The following ATP2B2 variants were observed in gnomAD, a reference collection of about 807,000 sequenced individuals.
ATP2B2 encodes ATPase plasma membrane Ca2+ transporting 2.
A neutral mutation model predicts 120.0 loss-of-function variants in ATP2B2; 15 were observed. That is an observed-to-expected ratio of 0.12 (90% CI 0.08 to 0.19). The LOEUF is 0.19. Among genes scored for constraint, ATP2B2 ranks in the 10% least tolerant of loss-of-function variants. The probability of loss-of-function intolerance (pLI) is 1.00; values close to 1 mark genes in which losing one functional copy is unlikely to be tolerated. For missense variants in ATP2B2, 1,045 were observed against 1,719.8 expected (o/e 0.61, Z 6.94); for synonymous variants, 694 against 700.3 (o/e 0.99, Z 0.14).
chr3:10,606,948 GA>G (rs1559483290), intron 2 of ATP2B2, among the ~76,000 whole-genome samples: 1,420 of 119,034 alleles, frequency 0.012, 64 homozygotes, highest in African/African-American at 0.042. Context: ...GGGAGAGGGA[GA>G]GGGGGAGGGG....
At chr3:10,395,914 C>A (rs561731008) in intron 5 of ATP2B2, among the ~76,000 whole-genome samples, 235 of 152,316 alleles carry the variant, frequency 1.5e-3, no homozygotes, top group Non-Finnish European at 2.6e-3. Flanking sequence ...TATGAGTTTG[C>A]AATTTCTGAA....
rs1405218793 is a variant in ATP2B2 at position 10,572,363 on chromosome 3, A to G, written c.-414-38230T>C. Among the ~76,000 whole-genome samples the G allele has an allele frequency of 4.6e-5, 7 of 152,354 alleles. No homozygotes were observed. In the East Asian group the frequency reaches 1.3e-3, roughly 29 times the overall value. On this transcript the variant is annotated intron_variant, in intron 2 of 21. Coordinates refer to the ATP2B2 transcript ENST00000646379. ...TTCTAGGGAGGATTCAATAAAAACA[A>G]TCCACATAAAATCCTTAGACAAGAG... is the stretch of plus-strand genomic sequence containing the variant.
At chr3:10,476,782 C>T (rs40324) in intron 1 of ATP2B2, among the ~76,000 whole-genome samples, 64,967 of 152,154 alleles carry the variant, frequency 0.43, 15,970 homozygotes, top group Non-Finnish European at 0.56. Context: ...CTTCATTAGC[C>T]CTGAGGAAGG....
At chr3:10,670,403 T>C (rs1264479454) in intron 1 of ATP2B2, among the ~76,000 whole-genome samples, 1 of 152,170 alleles carries the variant, frequency 6.6e-6, no homozygotes, top group Non-Finnish European at 1.5e-5. Context: ...GTCTTGGTCC[T>C]GATATTGGGT....
intron 14 of ATP2B2, among the ~76,000 whole-genome samples, chr3:10,353,567 G>C (rs2060635593): frequency 6.6e-6 from 1 of 152,172 alleles, no homozygotes; most frequent in African/African-American, 2.4e-5. Flanking sequence ...TTTGGAGAGG[G>C]GCAGAAGGTT....
intron 1 of ATP2B2, among the ~76,000 whole-genome samples, chr3:10,627,598 C>T (rs1306488490): frequency 2.0e-5 from 3 of 152,192 alleles, no homozygotes; most frequent in Non-Finnish European, 2.9e-5. Context: ...ACCTCTCCCC[C>T]TCGCTGGATC....
At position 10,428,827 on chromosome 3, in the gene ATP2B2, A is replaced by G. The variant is rs983703417; in HGVS notation, c.200-18012T>C. On this transcript the variant is annotated intron_variant, in intron 2 of 22. Transcript: ENST00000360273. ...TGAGGTGTCACAGAGGCCTTCGCCCAGGTCTGAGTTCCTAAAGCGGACTTG... is the reference window on the plus strand; with the variant it reads ...TGAGGTGTCACAGAGGCCTTCGCCCGGGTCTGAGTTCCTAAAGCGGACTTG... Among the ~76,000 whole-genome samples, 4 of 152,234 alleles carry G rather than the reference A, an allele frequency of 2.6e-5. No individual in the cohort carries two copies. In the South Asian group the frequency reaches 6.2e-4, roughly 24 times the overall value.
Position 10,514,407 on chromosome 3 carries a change from T to TCATATCTCCC in ATP2B2, c.-320+19622_-320+19631dup, listed in dbSNP as rs1391797181. Among the ~76,000 whole-genome samples, 28 of 152,264 alleles carry TCATATCTCCC rather than the reference T, an allele frequency of 1.8e-4. 1 individual carries two copies. The highest frequency in any genetic ancestry group is 6.5e-4 in the African/African-American group (27 of 41,536). ...TGGGTTCCTTAGACCCACAAGGGTG[T>TCATATCTCCC]CATATCTCCCACATACTCCCCAGAG... On this transcript the variant is annotated intron_variant, in intron 3 of 21. Transcript: ENST00000646379.
At position 10,449,645 on chromosome 3, in the gene ATP2B2, G is replaced by T; in HGVS notation, c.-102C>A. On this transcript the variant is annotated 5_prime_UTR_variant, in exon 2 of 23. Coordinates refer to ENST00000360273, the MANE Select transcript of ATP2B2 (RefSeq NM_001001331.4). The stretch of plus-strand genomic sequence containing the variant: ...GGCTGTCCTCAGCACACCCTCACTG[G>T]TCAGCTGTGGCACCAGGCGGCCGAC... 2.7e-6 allele frequency: 4 copies of T among 1,458,270 alleles called. No homozygotes were observed. Among genetic ancestry groups the T allele is most frequent in the Non-Finnish European group, 9.6e-7 (1 of 1,045,478 alleles). The allele number at this position is 1,458,270 out of a possible 1,614,324, so 90.3% of individuals were successfully genotyped here.
Position 10,433,997 on chromosome 3 carries a change from A to G in ATP2B2, c.199+15348T>C, listed in dbSNP as rs75464139. 4.7e-3 allele frequency among the ~76,000 whole-genome samples: 709 copies of G among 152,340 alleles called. 4 individuals carry two copies. The highest frequency in any genetic ancestry group is 0.014 in the Middle Eastern group (4 of 294). ...GCTCCTAGGACAGCATCTAGCACCA[A>G]GTAGTTACCCAATAAATTGTTCTTT... is the stretch of plus-strand genomic sequence containing the variant. On this transcript the variant is annotated intron_variant, in intron 2 of 22. Transcript: ENST00000360273.
At chr3:10,419,818 G>C (rs1275641396) in intron 2 of ATP2B2, among the ~76,000 whole-genome samples, 1 of 152,196 alleles carries the variant, frequency 6.6e-6, no homozygotes, top group Non-Finnish European at 1.5e-5. Context: ...ATCTAGTTGG[G>C]GGTAGGCTGT....
rs1293257670 is a variant in ATP2B2 at position 10,328,821 on chromosome 3, G to A, written c.3725C>T (p.Ser1242Leu). 13 of 1,607,720 alleles carry A rather than the reference G, an allele frequency of 8.1e-6. No homozygotes were observed. The highest frequency in any genetic ancestry group is 1.1e-5 in the Non-Finnish European group (13 of 1,174,792). ...PGSPIHSLET[S>L]L ...AGGCGAGAGGGTCCTCAGCTAAAGC[G>A]ACGTCTCCAGGCTGTGGATGGGGCT... Residue 1242 changes from serine (S) to leucine (L), a missense_variant, in exon 23 of 23, where the codon TCG becomes TTG. Coordinates refer to ENST00000360273, the MANE Select transcript of ATP2B2 (RefSeq NM_001001331.4).
chr3:10,615,283 G>A (rs576111408), intron 2 of ATP2B2, among the ~76,000 whole-genome samples: 7 of 152,254 alleles, frequency 4.6e-5, no homozygotes, highest in African/African-American at 1.2e-4. Flanking sequence ...GTGTAGGAGC[G>A]GGAGCAACCA....
At chr3:10,411,393 A>G (rs2062605199) in intron 2 of ATP2B2, among the ~76,000 whole-genome samples, 1 of 152,158 alleles carries the variant, frequency 6.6e-6, no homozygotes, top group African/African-American at 2.4e-5. Flanking sequence ...TTAAGCCACA[A>G]TCAGTCTGTG....
chr3:10,426,921 A>G (rs550360276), intron 2 of ATP2B2, among the ~76,000 whole-genome samples: 154 of 152,210 alleles, frequency 1.0e-3, no homozygotes, highest in African/African-American at 3.7e-3. Context: ...CAAATCAGAA[A>G]ACCCACAGAG....
At chr3:10,600,877 T>A (rs2068890220) in intron 2 of ATP2B2, among the ~76,000 whole-genome samples, 1 of 152,020 alleles carries the variant, frequency 6.6e-6, no homozygotes, top group Non-Finnish European at 1.5e-5. Context: ...AGAAAACACA[T>A]GGCGGTCAGG....
intron 1 of ATP2B2, among the ~76,000 whole-genome samples, chr3:10,646,701 T>G (rs377131253): frequency 2.6e-5 from 4 of 152,164 alleles, no homozygotes; most frequent in East Asian, 1.9e-4. Flanking sequence ...ATGGGAATGA[T>G]CCTTGAGAAA....
In ATP2B2 at chr3:10,504,863, T is replaced by G. The variant is rs527685757; in HGVS notation, c.-320+602A>C. On this transcript the variant is annotated intron_variant, in intron 1 of 22. Transcript: ENST00000360273. ...TGGCCACCCGTTCCTGCCACCCTCC[T>G]GGCCATGGAGGGGACCCAGGAACAC... 2.0e-5 allele frequency among the ~76,000 whole-genome samples: 3 copies of G among 152,226 alleles called. No homozygotes were observed. In the East Asian group the frequency reaches 5.8e-4, roughly 29 times the overall value.
chr3:10,499,062 G>T (rs1335405172), intron 1 of ATP2B2, among the ~76,000 whole-genome samples: 1 of 152,154 alleles, frequency 6.6e-6, no homozygotes, highest in South Asian at 2.1e-4. Flanking sequence ...AAAGCTACCT[G>T]CCCAAGGTCA....
Sources: gnomAD v4.1 joint callset for allele counts (sites outside exome capture counted in the v4.1 genomes callset) on GRCh38, gnomAD v4.1.1 for gene constraint, MANE v1.5 for transcripts, NCBI Gene and HGNC (gene_info 2026-07-23, HGNC 2026-07-21) for gene names.